MAML2: variants seen among roughly 807,000 people sequenced by gnomAD.
MAML2 encodes mastermind like transcriptional coactivator 2.
MAML2 carries 22 observed loss-of-function variants against 96.1 expected under a neutral mutation model. The observed-to-expected ratio is 0.23, with a 90% CI of 0.16 to 0.33. MAML2 has a LOEUF of 0.33. MAML2 is among the 10% of genes least tolerant of loss of function. The probability of loss-of-function intolerance (pLI) is 1.00; values close to 1 mark genes in which losing one functional copy is unlikely to be tolerated. For missense variants in MAML2, 1,367 were observed against 1,392.4 expected, an observed-to-expected ratio of 0.98 and a Z score of 0.29; for synonymous variants, 561 against 521.3, an observed-to-expected ratio of 1.08 and a Z score of -1.04.
At chr11:96,073,146 G>A (rs1859373477) in intron 2 of MAML2, among the ~76,000 whole-genome samples, 1 of 152,124 alleles carries the variant, frequency 6.6e-6, no homozygotes, top group South Asian at 2.1e-4. Flanking sequence ...TAATTTAACT[G>A]AAGTGTATTA....
intron 2 of MAML2, among the ~76,000 whole-genome samples, chr11:96,052,197 T>C (rs1315213672): frequency 6.6e-6 from 1 of 152,298 alleles, no homozygotes; most frequent in East Asian, 1.9e-4. Context: ...ATTTGTTAAG[T>C]GCTTGTTGGG....
chr11:96,096,245 G>T (rs138509528), intron 1 of MAML2, among the ~76,000 whole-genome samples: 1 of 152,132 alleles, frequency 6.6e-6, no homozygotes, highest in South Asian at 2.1e-4. Flanking sequence ...TGCAGTATGC[G>T]CTCTGGGAAA....
At chr11:96,325,666 C>T (rs1463406732) in intron 1 of MAML2, among the ~76,000 whole-genome samples, 1 of 151,884 alleles carries the variant, frequency 6.6e-6, no homozygotes, top group Non-Finnish European at 1.5e-5. Context: ...GAACAATATT[C>T]TCCTTCACAA....
intron 1 of MAML2, among the ~76,000 whole-genome samples, chr11:96,319,484 C>A (rs1230725589): frequency 6.6e-6 from 1 of 152,214 alleles, no homozygotes; most frequent in African/African-American, 2.4e-5. Context: ...CAACTGGAAA[C>A]TATCTTCTGA....
chr11:96,086,377 A>T (rs573558695), intron 2 of MAML2, among the ~76,000 whole-genome samples: 12 of 152,314 alleles, frequency 7.9e-5, no homozygotes, highest in African/African-American at 2.4e-4. Flanking sequence ...AAGAGAATGA[A>T]TGAATTTTCT....
intron 2 of MAML2, among the ~76,000 whole-genome samples, chr11:96,036,516 A>G (rs1858715003): frequency 6.6e-6 from 1 of 152,194 alleles, no homozygotes; most frequent in Non-Finnish European, 1.5e-5. Context: ...TGGACGGTGA[A>G]AAAGCACTTG....
At chr11:96,024,983 C>A (rs1054281823) in intron 2 of MAML2, among the ~76,000 whole-genome samples, 2 of 152,220 alleles carry the variant, frequency 1.3e-5, no homozygotes, top group South Asian at 4.1e-4. Context: ...CTACGGAAAG[C>A]AGTTTGGAGA....
chr11:96,033,008 G>C (rs76277931), intron 2 of MAML2, among the ~76,000 whole-genome samples: 2,893 of 152,314 alleles, frequency 0.019, 45 homozygotes, highest in African/African-American at 0.043. Flanking sequence ...TACCCAAAAA[G>C]TGAAATTTGT....
chr11:96,007,169 AT>A (rs766991159), intron 2 of MAML2, among the ~76,000 whole-genome samples: 419 of 83,502 alleles, frequency 5.0e-3, no homozygotes, highest in Middle Eastern at 0.016. Flanking sequence ...TGTCCAGTTA[AT>A]TTTTTTTTTT....
chr11:96,105,635 G>C (rs764691745), intron 1 of MAML2, among the ~76,000 whole-genome samples: 26 of 152,288 alleles, frequency 1.7e-4, no homozygotes, highest in Non-Finnish European at 3.1e-4. Flanking sequence ...AAGTTTTGAA[G>C]AAATATTTTT....
chr11:96,223,751 T>C (rs958754518), intron 1 of MAML2, among the ~76,000 whole-genome samples: 5 of 152,168 alleles, frequency 3.3e-5, no homozygotes, highest in African/African-American at 9.7e-5. Flanking sequence ...GTTTCCTCTT[T>C]CTGAGGCTTA....
intron 1 of MAML2, among the ~76,000 whole-genome samples, chr11:96,202,244 A>T (rs1591069946): frequency 6.9e-6 from 1 of 145,474 alleles, no homozygotes; most frequent in African/African-American, 2.5e-5. Context: ...CCAGCTACTC[A>T]GGAGGCTGAG....
chr11:96,155,370 T>C (rs375617795), intron 1 of MAML2, among the ~76,000 whole-genome samples: 13 of 151,714 alleles, frequency 8.6e-5, no homozygotes, highest in East Asian at 5.8e-4. Flanking sequence ...AGTTCCACCC[T>C]GCCTTCTTGC....
rs148342645 is a variant in MAML2 at position 96,255,624 on chromosome 11, T to C, written c.513+85759A>G. ...AAGATTTCTGAGAAGCTTTGAACTT[T>C]CCTGATAAAATAACCTGACACTGCA... On this transcript the variant is annotated intron_variant, in intron 1 of 4. Coordinates refer to ENST00000524717, the MANE Select transcript of MAML2 (RefSeq NM_032427.4). 1.1e-3 allele frequency among the ~76,000 whole-genome samples: 163 copies of C among 152,298 alleles called. 1 individual carries two copies. Among genetic ancestry groups the C allele is most frequent in the East Asian group, 5.0e-3 (26 of 5,176 alleles).
In MAML2 at chr11:96,276,319, C is replaced by G. The variant is rs560556483; in HGVS notation, c.513+65064G>C. Among the ~76,000 whole-genome samples the G allele has an allele frequency of 3.9e-5, 6 of 152,278 alleles. No individual in the cohort carries two copies. The East Asian group carries it at 1.2e-3, about 29-fold the overall frequency. ...TGCTGACTGATAACTCTGAACTGTG[C>G]TGTTACACCCTTGCCATCTCTCTCT... On this transcript the variant is annotated intron_variant, in intron 1 of 4. Coordinates refer to ENST00000524717, the MANE Select transcript of MAML2 (RefSeq NM_032427.4).
intron 1 of MAML2, among the ~76,000 whole-genome samples, chr11:96,176,842 C>A (rs111407141): frequency 3.3e-5 from 5 of 152,046 alleles, no homozygotes; most frequent in African/African-American, 9.7e-5. Flanking sequence ...GTAGTGATAC[C>A]GATAGGTGTG....
Position 96,093,165 on chromosome 11 carries a change from A to C in MAML2, c.866T>G (p.Phe289Cys). The change falls in exon 2 of 5, where the codon TTT becomes TGT. Residue 289 changes from phenylalanine (F) to cysteine (C), a missense_variant. Phe to Cys is a radical substitution (Grantham distance 205). Transcript: ENST00000524717. ...MDGQMTQENIFPNRYGDDPGE... is the reference protein window; with the variant it reads ...MDGQMTQENICPNRYGDDPGE... ...AGGGTCGTCTCCGTACCTATTAGGA[A>C]AAATATTCTCTTGGGTCATTTGGCC... is the stretch of plus-strand genomic sequence containing the variant. The C allele has an allele frequency of 6.2e-7, 1 of 1,614,022 alleles. No individual in the cohort carries two copies. Among genetic ancestry groups the C allele is most frequent in the Non-Finnish European group, 8.5e-7 (1 of 1,179,896 alleles).
At chr11:95,993,676 CTCTT>C (rs1857949917) in intron 2 of MAML2, among the ~76,000 whole-genome samples, 1 of 152,162 alleles carries the variant, frequency 6.6e-6, no homozygotes, top group African/African-American at 2.4e-5. Flanking sequence ...TTATTTCTTT[CTCTT>C]TCTTTAACTA....
intron 2 of MAML2, among the ~76,000 whole-genome samples, chr11:96,009,068 T>C (rs1008049513): frequency 6.6e-6 from 1 of 152,196 alleles, no homozygotes; most frequent in Non-Finnish European, 1.5e-5. Context: ...GTTAACTAAA[T>C]GAAAGTATTT....
Sources: allele counts gnomAD v4.1 joint callset (sites outside exome capture counted in the v4.1 genomes callset), GRCh38; gene constraint gnomAD v4.1.1; transcripts MANE v1.5; gene names NCBI Gene and HGNC (gene_info 2026-07-23, HGNC 2026-07-21).